Variants in ZNF703 observed in about 807,000 individuals in gnomAD.
ZNF703 encodes the protein NocA-like zinc finger 1.
A neutral mutation model predicts 30.7 loss-of-function variants in ZNF703; 18 were observed. The ratio of observed to expected loss-of-function variants is 0.59; its 90% CI spans 0.40 to 0.87. The LOEUF is 0.87. Among genes scored for constraint, ZNF703 ranks in the 40% least tolerant of loss-of-function variants. The pLI, the probability that ZNF703 is intolerant of heterozygous loss-of-function variation, is 0.00. For synonymous variants in ZNF703, 457 were observed against 438.6 expected (o/e 1.04, Z -0.52); for missense variants, 814 against 847.8 (o/e 0.96, Z 0.50).
Position 37,698,432 on chromosome 8 carries a change from G to A in ZNF703, c.1531G>A (p.Ala511Thr). Residue 511 changes from alanine to threonine, a missense_variant, in exon 2 of 2, where the codon GCC becomes ACC. Transcript: ENST00000331569. ...CCTGGGCAGCGCCGCCGCCGCCGCC[G>A]CCGCCGCCGCCTCCTGCCATCTGCA... ...SGLGSAAAAA[A>T]AAASCHLHLP... 6.8e-7 allele frequency: 1 copy of A among 1,477,020 alleles called. No individual in the cohort carries two copies. Among genetic ancestry groups the A allele is most frequent in the Non-Finnish European group, 9.0e-7 (1 of 1,116,980 alleles). 91.5% of individuals were successfully genotyped at this position (1,477,020 alleles called of 1,614,324 possible).
In ZNF703 at chr8:37,698,569, G is replaced by T. The variant is rs780355275; in HGVS notation, c.1668G>T (p.Ala556=). The change falls in exon 2 of 2, where the codon GCG becomes GCT. Residue 556 remains alanine, a synonymous_variant. Transcript: ENST00000331569. The stretch of plus-strand genomic sequence containing the variant: ...ATGGCAAGAGCCACTTATCCACAGC[G>T]GGGGGCCTGGCCGTGCCGTCCCTCC... ...HPYGKSHLST[A]GGLAVPSLPT... The T allele has an allele frequency of 5.1e-6, 8 of 1,567,560 alleles. No homozygotes were observed. The highest frequency in any genetic ancestry group is 3.4e-4 in the Middle Eastern group (2 of 5,948).
chr8:37,698,776 C>G lies in ZNF703; in HGVS notation c.*102C>G. 9.5e-7 allele frequency: 1 copy of G among 1,057,292 alleles called. No homozygotes were observed. Among genetic ancestry groups the G allele is most frequent in the Non-Finnish European group, 1.2e-6 (1 of 802,250 alleles). 65.5% of individuals were successfully genotyped at this position (1,057,292 alleles called of 1,614,324 possible). On this transcript the variant is annotated 3_prime_UTR_variant, in exon 2 of 2. Transcript: ENST00000331569. ...CTGCAACCTCCACTACTGCTTGACCCTGCCGGGATTCCCCACCCAGCCCTT... is the reference window on the plus strand; with the variant it reads ...CTGCAACCTCCACTACTGCTTGACCGTGCCGGGATTCCCCACCCAGCCCTT...
intron 1 of ZNF703, 120 bp from the exon 2 acceptor site, chr8:37,697,025 C>T (rs2128904674): frequency 8.4e-7 from 1 of 1,191,256 alleles, no homozygotes; most frequent in Non-Finnish European, 1.1e-6. Flanking sequence ...GCTCGCAGAC[C>T]CTCTCCCCAG....
chr8:37,697,729 C>G lies in ZNF703; in HGVS notation c.828C>G (p.Ala276=). ...PGAHGGAESG[A]SGRKSEPPSA... is the part of the protein sequence containing the mutation. The stretch of plus-strand genomic sequence containing the variant: ...CGCACGGTGGCGCCGAGTCCGGGGC[C>G]TCCGGGCGCAAGTCCGAGCCGCCCT... The change falls in exon 2 of 2, where the codon GCC becomes GCG. Residue 276 remains alanine, a synonymous_variant. Transcript: ENST00000331569. 1.4e-6 allele frequency: 2 copies of G among 1,389,542 alleles called. No individual in the cohort carries two copies. The highest frequency in any genetic ancestry group is 1.9e-6 in the Non-Finnish European group (2 of 1,079,780). 86.1% of individuals were successfully genotyped at this position (1,389,542 alleles called of 1,614,324 possible).
chr8:37,698,509 T>C lies in ZNF703; in HGVS notation c.1608T>C (p.Asn536=), dbSNP rs757739896. The change falls in exon 2 of 2, where the codon AAT becomes AAC. Residue 536 remains asparagine (N), a synonymous_variant. Transcript: ENST00000331569. ...PGSPGSLSLR[N]PHTLGLSRYH... The stretch of plus-strand genomic sequence containing the variant: ...GCCCCGGGTCGCTGTCCTTGCGGAA[T>C]CCACACACTTTGGGCCTAAGCCGGT... 2.6e-6 allele frequency: 4 copies of C among 1,559,208 alleles called. No individual in the cohort carries two copies. Among genetic ancestry groups the C allele is most frequent in the Non-Finnish European group, 3.5e-6 (4 of 1,156,474 alleles).
Position 37,698,209 on chromosome 8 carries a change from G to A in ZNF703, c.1308G>A (p.Ala436=), listed in dbSNP as rs569464701. 2.6e-6 allele frequency: 4 copies of A among 1,520,050 alleles called. No individual in the cohort carries two copies. The South Asian group carries it at 3.6e-5, about 14-fold the overall frequency. 94.2% of individuals were successfully genotyped at this position (1,520,050 alleles called of 1,614,324 possible). Reference sequence around the variant, plus strand: ...TCTCGTCCAGCGCCGCCCAGGCCGCGCTCCCCGGCCACCCGCTCTACACCT... The same window carrying A: ...TCTCGTCCAGCGCCGCCCAGGCCGCACTCCCCGGCCACCCGCTCTACACCT... ...AALSSSAAQA[A]LPGHPLYTYG... Residue 436 remains alanine (A), a synonymous_variant, in exon 2 of 2, where the codon GCG becomes GCA. Transcript: ENST00000331569.
chr8:37,697,650 A>C lies in ZNF703; in HGVS notation c.749A>C (p.Lys250Thr). The change falls in exon 2 of 2, where the codon AAG becomes ACG. Residue 250 changes from lysine to threonine, a missense_variant. Lys to Thr is a moderately conservative substitution (Grantham distance 78). Coordinates refer to ENST00000331569, the MANE Select transcript of ZNF703 (RefSeq NM_025069.3). ...CTGGACAAGAAAGACCAGGAGCCCA[A>C]GCCCAGCCCGGAGCCGGCAGCCGTG... The part of the protein sequence containing the change: ...GELDKKDQEP[K>T]PSPEPAAVSR... 7.4e-7 allele frequency: 1 copy of C among 1,356,712 alleles called. No homozygotes were observed. Among genetic ancestry groups the C allele is most frequent in the Non-Finnish European group, 9.4e-7 (1 of 1,061,558 alleles). The allele number at this position is 1,356,712 out of a possible 1,614,324, so 84.0% of individuals were successfully genotyped here.
In ZNF703 at chr8:37,698,479, C is replaced by A; in HGVS notation, c.1578C>A (p.Pro526=). ...TGCACCTCCCCCCGCCCGCCGCCCC[C>A]GGCAGCCCCGGGTCGCTGTCCTTGC... ...CHLHLPPPAA[P]GSPGSLSLRN... is the part of the protein sequence containing the mutation. Residue 526 remains proline (P), a synonymous_variant, in exon 2 of 2, where the codon CCC becomes CCA. Transcript: ENST00000331569. 1 of 1,526,992 alleles carries A rather than the reference C, an allele frequency of 6.5e-7. No homozygotes were observed. Among genetic ancestry groups the A allele is most frequent in the East Asian group, 2.7e-5 (1 of 36,608 alleles). 94.6% of individuals were successfully genotyped at this position (1,526,992 alleles called of 1,614,324 possible).
Position 37,696,135 on chromosome 8 carries a change from C to T in ZNF703, c.156C>T (p.Val52=), listed in dbSNP as rs1802064829. 6.2e-7 allele frequency: 1 copy of T among 1,611,590 alleles called. No individual in the cohort carries two copies. The highest frequency in any genetic ancestry group is 8.5e-7 in the Non-Finnish European group (1 of 1,179,334). The change falls in exon 1 of 2, where the codon GTC becomes GTT. Residue 52 remains valine, a synonymous_variant. Coordinates refer to ENST00000331569, the MANE Select transcript of ZNF703 (RefSeq NM_025069.3). The surrounding 1 kb of genome is among the most constrained non-coding windows in gnomAD (Gnocchi z 8.2). ...LRQANRLPIR[V]LKMLSAHTGH... ...AGGCGAACCGGCTCCCGATCAGGGT[C>T]CTGAAGATGCTGAGCGCTCACACCG...
In ZNF703 at chr8:37,698,212, C is replaced by T. The variant is rs1283131455; in HGVS notation, c.1311C>T (p.Leu437=). 1 of 1,520,342 alleles carries T rather than the reference C, an allele frequency of 6.6e-7. No individual in the cohort carries two copies. Among genetic ancestry groups the T allele is most frequent in the South Asian group, 1.2e-5 (1 of 82,294 alleles). The allele number at this position is 1,520,342 out of a possible 1,614,324, so 94.2% of individuals were successfully genotyped here. The change falls in exon 2 of 2, where the codon CTC becomes CTT. Residue 437 remains leucine, a synonymous_variant. Coordinates refer to ENST00000331569, the MANE Select transcript of ZNF703 (RefSeq NM_025069.3). Reference sequence around the variant, plus strand: ...CGTCCAGCGCCGCCCAGGCCGCGCTCCCCGGCCACCCGCTCTACACCTACG... The same window carrying T: ...CGTCCAGCGCCGCCCAGGCCGCGCTTCCCGGCCACCCGCTCTACACCTACG... The part of the protein sequence containing the change: ...ALSSSAAQAA[L]PGHPLYTYGF...
Position 37,698,078 on chromosome 8 carries a change from G to GGCTCCAGCT in ZNF703, c.1184_1192dup (p.Ser395_Ser397dup). The GGCTCCAGCT allele has an allele frequency of 6.5e-7, 1 of 1,542,520 alleles. No individual in the cohort carries two copies. On this transcript the variant is annotated inframe_insertion, in exon 2 of 2. Coordinates refer to ENST00000331569, the MANE Select transcript of ZNF703 (RefSeq NM_025069.3). ...TTACCACGGCGCCTCGCACCTCGGCGGCTCCAGCTGCTCCACCTGCAGCGC... is the reference window on the plus strand; with the variant it reads ...TTACCACGGCGCCTCGCACCTCGGCGGCTCCAGCTGCTCCAGCTGCTCCACCTGCAGCGC...
chr8:37,697,026 C>A, intron 1 of ZNF703, 119 bp from the exon 2 acceptor site: 7 of 1,195,896 alleles, frequency 5.9e-6, no homozygotes, highest in Non-Finnish European at 7.4e-6. Context: ...CTCGCAGACC[C>A]TCTCCCCAGG....
At position 37,696,103 on chromosome 8, in the gene ZNF703, C is replaced by A. The variant is rs1025303798; in HGVS notation, c.124C>A (p.Leu42Met). The change falls in exon 1 of 2, where the codon CTG becomes ATG. Residue 42 changes from leucine to methionine, a missense_variant. Transcript: ENST00000331569. This position sits in a 1 kb window ranked among gnomAD's most constrained non-coding sequence, Gnocchi z 8.2. ...AVSLLPPADP[L>M]RQANRLPIRV... ...GTCCCTCTTGCCACCGGCGGACCCC[C>A]TGCGCCAGGCGAACCGGCTCCCGAT... is the stretch of plus-strand genomic sequence containing the variant. 1.9e-6 allele frequency: 3 copies of A among 1,601,328 alleles called. No homozygotes were observed.
rs1175756022 is a variant in ZNF703 at position 37,698,134 on chromosome 8, G to A, written c.1233G>A (p.Ala411=). ...ACCCTGCCGGGCCCAGCCTGAAGGC[G>A]GGGGGCTACCCGCTGGTGTACCCCG... ...AHDPAGPSLK[A]GGYPLVYPGH... The change falls in exon 2 of 2, where the codon GCG becomes GCA. Residue 411 remains alanine, a synonymous_variant. Transcript: ENST00000331569. The A allele has an allele frequency of 2.7e-6, 4 of 1,492,838 alleles. No individual in the cohort carries two copies. Among genetic ancestry groups the A allele is most frequent in the South Asian group, 2.5e-5 (2 of 80,328 alleles). 92.5% of individuals were successfully genotyped at this position (1,492,838 alleles called of 1,614,324 possible).
Position 37,698,004 on chromosome 8 carries a change from C to A in ZNF703, c.1103C>A (p.Pro368Gln), listed in dbSNP as rs1459994955. ...TCCAGCCCGCTCACCGGGGCCTCCC[C>A]GCCCTCCTTCCTGCAGGGATTATGC... Reference protein sequence around the residue: ...PSSSPLTGASPPSFLQGLCRD... With the variant: ...PSSSPLTGASQPSFLQGLCRD... Residue 368 changes from proline (P) to glutamine (Q), a missense_variant, in exon 2 of 2, where the codon CCG becomes CAG. Transcript: ENST00000331569. 2.6e-6 allele frequency: 4 copies of A among 1,558,198 alleles called. No homozygotes were observed. Among genetic ancestry groups the A allele is most frequent in the Admixed American group, 3.6e-5 (2 of 56,160 alleles).
In ZNF703 at chr8:37,696,823, A is replaced by T. The variant is rs1302673918; in HGVS notation, c.244-322A>T. 6.6e-6 allele frequency among the ~76,000 whole-genome samples: 1 copy of T among 152,176 alleles called. No homozygotes were observed. The highest frequency in any genetic ancestry group is 6.5e-5 in the Admixed American group (1 of 15,280). ...AGCGAAGTTCCCCCAAACTAAAGGA[A>T]TAAGTTTTTTCCTGGGCCTGGAGGA... On this transcript the variant is annotated intron_variant, in intron 1 of 1. Coordinates refer to ENST00000331569, the MANE Select transcript of ZNF703 (RefSeq NM_025069.3). This position sits in a 1 kb window ranked among gnomAD's most constrained non-coding sequence, Gnocchi z 8.2.
chr8:37,697,646 C>T lies in ZNF703; in HGVS notation c.745C>T (p.Pro249Ser), dbSNP rs893121860. ...GGAGCTGGACAAGAAAGACCAGGAG[C>T]CCAAGCCCAGCCCGGAGCCGGCAGC... ...GGELDKKDQE[P>S]KPSPEPAAVS... Residue 249 changes from proline (P) to serine (S), a missense_variant, in exon 2 of 2, where the codon CCC becomes TCC. Coordinates refer to ENST00000331569, the MANE Select transcript of ZNF703 (RefSeq NM_025069.3). 1.8e-5 allele frequency: 25 copies of T among 1,369,974 alleles called. No individual in the cohort carries two copies. In the South Asian group the frequency reaches 2.3e-4, roughly 13 times the overall value. 84.9% of individuals were successfully genotyped at this position (1,369,974 alleles called of 1,614,324 possible).
chr8:37,695,879 A>C lies in ZNF703; in HGVS notation c.-101A>C. ...GGCGAGGAGGCGCAGCTCCCGCTGC[A>C]CCGCGATCGACGCTGCGGAGCGAGC... On this transcript the variant is annotated 5_prime_UTR_variant, in exon 1 of 2. Transcript: ENST00000331569. 8 of 1,145,574 alleles carry C rather than the reference A, an allele frequency of 7.0e-6. No individual in the cohort carries two copies. Among genetic ancestry groups the C allele is most frequent in the Non-Finnish European group, 9.2e-6 (8 of 865,202 alleles). The allele number at this position is 1,145,574 out of a possible 1,614,324, so 71.0% of individuals were successfully genotyped here. A position where few individuals can be genotyped will look rare whatever the true frequency, so the allele number is the denominator to read the frequency against.
chr8:37,698,418 C>T lies in ZNF703; in HGVS notation c.1517C>T (p.Ala506Val). 1 of 1,433,400 alleles carries T rather than the reference C, an allele frequency of 7.0e-7. No homozygotes were observed. The highest frequency in any genetic ancestry group is 1.5e-5 in the South Asian group (1 of 67,598). The allele number at this position is 1,433,400 out of a possible 1,614,324, so 88.8% of individuals were successfully genotyped here. The change falls in exon 2 of 2, where the codon GCC (alanine) becomes GTC (valine). Residue 506 changes from alanine (A) to valine (V), a missense_variant. Coordinates refer to ENST00000331569, the MANE Select transcript of ZNF703 (RefSeq NM_025069.3). ...AYPGASGLGS[A>V]AAAAAAAASC... ...CCCGGGGCCTCGGGCCTGGGCAGCG[C>T]CGCCGCCGCCGCCGCCGCCGCCGCC...
Sources: gnomAD v4.1 joint callset for allele counts (sites outside exome capture counted in the v4.1 genomes callset) on GRCh38, gnomAD v4.1.1 for gene constraint, Gnocchi (gnomAD v3.1) non-coding constraint, MANE v1.5 for transcripts, NCBI Gene and HGNC (gene_info 2026-07-23, HGNC 2026-07-21) for gene names.